Variants in SYNJ1 observed in about 807,000 individuals in gnomAD.
SYNJ1 encodes polyphosphatidylinositol phosphatase SYNJ1.
In SYNJ1, 78 loss-of-function variants were observed where a neutral mutation model predicts 168.2. That is an observed-to-expected ratio of 0.46 (90% confidence interval 0.39 to 0.56). The LOEUF (loss-of-function observed/expected upper bound fraction) is 0.56. Ranked by LOEUF, SYNJ1 falls within the 20% of genes least tolerant of loss-of-function variation. The pLI is 0.00. For synonymous variants in SYNJ1, 539 were observed against 548.6 expected (o/e 0.98, Z 0.24); for missense variants, 1,303 against 1,597.6 (o/e 0.82, Z 3.14).
intron 7 of SYNJ1, 144 bp from the exon 8 acceptor site, chr21:32,687,218 G>A (rs2041865935): frequency 2.0e-6 from 1 of 496,440 alleles, no homozygotes; most frequent in East Asian, 3.8e-5. Flanking sequence ...CATTGTACAT[G>A]GTCTCAAAGC....
rs113757720 is a variant in SYNJ1, at chr21:32,642,440, T to C, written c.3479-307A>G. Among the ~76,000 whole-genome samples, 383 of 152,116 alleles carry C rather than the reference T, an allele frequency of 2.5e-3. 4 individuals are homozygous for C. The highest frequency in any genetic ancestry group is 0.012 in the South Asian group (60 of 4,816). On this transcript the variant is annotated intron_variant, in intron 27 of 32. Transcript: ENST00000674351. The stretch of plus-strand genomic sequence containing the variant: ...TCCCCATAGAACTCTCTCGTGAACC[T>C]TGAAAACATACAGTCAGCTGTGTGA...
rs561293679 is a variant in SYNJ1 at position 32,692,860 on chromosome 21, G to A, written c.789+1368C>T. 7.2e-4 allele frequency among the ~76,000 whole-genome samples: 109 copies of A among 152,066 alleles called. 1 individual carries two copies. The highest frequency in any genetic ancestry group is 2.5e-3 in the African/African-American group (103 of 41,474). On this transcript the variant is annotated intron_variant, in intron 6 of 32. Coordinates refer to ENST00000674351, the MANE Select transcript of SYNJ1 (RefSeq NM_203446.3). ...TGCCCAGGAGTTCAAGACCATCCTG[G>A]GCAACAAGGTGGGACCCTGTCTCTA... is the stretch of plus-strand genomic sequence containing the variant.
intron 9 of SYNJ1, among the ~76,000 whole-genome samples, chr21:32,685,279 G>A (rs1276447921): frequency 6.6e-6 from 1 of 150,920 alleles, no homozygotes; most frequent in African/African-American, 2.4e-5. Context: ...TCTAAAGAAA[G>A]AAAAACAAGT....
intron 3 of SYNJ1, 56 bp from the exon 4 acceptor site, chr21:32,700,161 C>A (rs779558438): frequency 7.6e-5 from 116 of 1,528,820 alleles, no homozygotes; most frequent in Admixed American, 7.3e-4. Context: ...CAAGCTATTC[C>A]ATTTCTTCTT....
chr21:32,678,647 C>A lies in SYNJ1; in HGVS notation c.1508G>T (p.Arg503Leu). The change falls in exon 12 of 33, where the codon CGT (arginine) becomes CTT (leucine). Residue 503 changes from arginine to leucine, a missense_variant and splice_region_variant. Around this residue, in one of 2 missense-constraint regions of SYNJ1, gnomAD observed 920 missense variants for 1,208.8 expected, o/e 0.76. Coordinates refer to ENST00000674351, the MANE Select transcript of SYNJ1 (RefSeq NM_203446.3). ...ARALLTTGSL[R>L]VSEQTLQSAS... is the part of the protein sequence containing the mutation. ...AATAAAATATAAAGTGCACATACCA[C>A]GCAAACTTCCAGTAGTTAAAAGTGC... is the stretch of plus-strand genomic sequence containing the variant. The A allele has an allele frequency of 6.2e-7, 1 of 1,601,274 alleles. No homozygotes were observed. Among genetic ancestry groups the A allele is most frequent in the East Asian group, 2.2e-5 (1 of 44,506 alleles).
At chr21:32,701,456 C>G (rs934890600) in intron 3 of SYNJ1, among the ~76,000 whole-genome samples, 14 of 151,214 alleles carry the variant, frequency 9.3e-5, no homozygotes, top group African/African-American at 3.2e-4. Flanking sequence ...GGACCAGTAC[C>G]AATGTTGAAG....
At chr21:32,722,423 G>A (rs185477928) in intron 2 of SYNJ1, among the ~76,000 whole-genome samples, 313 of 151,794 alleles carry the variant, frequency 2.1e-3, no homozygotes, top group African/African-American at 7.2e-3. Context: ...GTTGGTGTGC[G>A]CCTGTAGTCC....
At chr21:32,686,283 TG>T (rs919945348) in intron 8 of SYNJ1, among the ~76,000 whole-genome samples, 2 of 152,166 alleles carry the variant, frequency 1.3e-5, no homozygotes, top group Non-Finnish European at 2.9e-5. Context: ...AAAGTCACTC[TG>T]TAAAGTATAA....
rs767714449 is a variant in SYNJ1 at position 32,719,650 on chromosome 21, T to C, written c.124+7122A>G. Among the ~76,000 whole-genome samples the C allele has an allele frequency of 6.5e-4, 98 of 150,868 alleles. 1 individual carries two copies. The highest frequency in any genetic ancestry group is 1.5e-3 in the South Asian group (7 of 4,768). ...AATTGCTTGAACCCGTAGGCAGAGG[T>C]TGCAGTGAGCCGAGACCGTGCCATT... is the stretch of plus-strand genomic sequence containing the variant. On this transcript the variant is annotated intron_variant, in intron 2 of 32. Coordinates refer to ENST00000674351, the MANE Select transcript of SYNJ1 (RefSeq NM_203446.3).
chr21:32,642,001 TA>T (rs772403529), intron 28 of SYNJ1, 35 bp from the exon 29 acceptor site: 2 of 1,612,436 alleles, frequency 1.2e-6, no homozygotes, highest in East Asian at 2.2e-5. Flanking sequence ...TATTTAAGTT[TA>T]AAAAAATAAA....
At chr21:32,679,751 C>T (rs1255530576) in intron 11 of SYNJ1, among the ~76,000 whole-genome samples, 2 of 152,020 alleles carry the variant, frequency 1.3e-5, no homozygotes, top group Non-Finnish European at 2.9e-5. Context: ...TAATGTTTGG[C>T]ATTAAGTGTT....
chr21:32,727,579 T>C (rs1189978728), intron 1 of SYNJ1, among the ~76,000 whole-genome samples: 2 of 151,478 alleles, frequency 1.3e-5, no homozygotes, highest in Admixed American at 1.3e-4. Context: ...CTGGGGCTCC[T>C]CGGGGGTCCC....
intron 9 of SYNJ1, among the ~76,000 whole-genome samples, chr21:32,685,125 T>C (rs569131417): frequency 1.0e-3 from 136 of 136,408 alleles, no homozygotes; most frequent in African/African-American, 3.6e-3. Flanking sequence ...GAGCTTGCAG[T>C]GAGCCAAGAT....
At chr21:32,695,809 T>C (rs1235238447) in intron 4 of SYNJ1, among the ~76,000 whole-genome samples, 1 of 151,232 alleles carries the variant, frequency 6.6e-6, no homozygotes, top group Non-Finnish European at 1.5e-5. Flanking sequence ...ATTACAGGCA[T>C]GCACCACCAA....
intron 2 of SYNJ1, among the ~76,000 whole-genome samples, chr21:32,706,562 T>A (rs1027707189): frequency 1.3e-5 from 2 of 151,914 alleles, no homozygotes; most frequent in African/African-American, 4.8e-5. Flanking sequence ...CCTTTCTTTA[T>A]GTTTTAAATT....
chr21:32,699,867 T>A lies in SYNJ1; in HGVS notation c.450A>T (p.Gln150His), dbSNP rs756493514. The change falls in exon 4 of 33, where the codon CAA (glutamine) becomes CAT (histidine). Residue 150 changes from glutamine to histidine, a missense_variant. This residue lies in a region of SYNJ1 where 920 missense variants were observed against 1,208.8 expected (regional missense o/e 0.76). Transcript: ENST00000674351. ...AAAATCTATTATCAGTTGTCTGTTC[T>A]TGCATGCTACGATGCGCATTAAGAC... Reference protein sequence around the residue: ...DLSLNAHRSMQEQTTDNRFFW... With the variant: ...DLSLNAHRSMHEQTTDNRFFW... The A allele has an allele frequency of 1.9e-6, 3 of 1,613,690 alleles. No individual in the cohort carries two copies. The highest frequency in any genetic ancestry group is 1.7e-6 in the Non-Finnish European group (2 of 1,179,880).
chr21:32,648,630 A>C (rs1183487433), intron 23 of SYNJ1, among the ~76,000 whole-genome samples: 1 of 152,082 alleles, frequency 6.6e-6, no homozygotes, highest in Non-Finnish European at 1.5e-5. Flanking sequence ...TCTATATTTA[A>C]ACTCTGTGTT....
rs374027671 is a variant in SYNJ1, at chr21:32,629,844, C to T, written c.*1961G>A. 8 of 152,582 alleles carry T rather than the reference C, an allele frequency of 5.2e-5. No individual in the cohort carries two copies. In the East Asian group the frequency reaches 9.6e-4, roughly 18 times the overall value. The allele number at this position is 152,582 out of a possible 1,614,324, so 9.5% of individuals were successfully genotyped here. A position where few individuals can be genotyped will look rare whatever the true frequency, so the allele number is the denominator to read the frequency against. On this transcript the variant is annotated 3_prime_UTR_variant, in exon 33 of 33. Coordinates refer to ENST00000674351, the MANE Select transcript of SYNJ1 (RefSeq NM_203446.3). The stretch of plus-strand genomic sequence containing the variant: ...TATTGGCAGTGCAGGAGACAAAATC[C>T]GCAGCTACTTTGAGGTATAGCCTCT...
At chr21:32,664,068 G>T (rs2040824121) in intron 18 of SYNJ1, among the ~76,000 whole-genome samples, 1 of 152,176 alleles carries the variant, frequency 6.6e-6, no homozygotes. Context: ...GTGCTAGGAG[G>T]ATTTAAAACT....
Sources: gnomAD v4.1 joint callset for allele counts (sites outside exome capture counted in the v4.1 genomes callset) on GRCh38, gnomAD v4.1.1 for gene constraint, gnomAD v4.1.1 regional missense constraint, MANE v1.5 for transcripts, NCBI Gene and HGNC (gene_info 2026-07-23, HGNC 2026-07-21) for gene names.